Variants in METTL16 observed in about 807,000 individuals in gnomAD.
METTL16 encodes RNA N(6)-adenosine-methyltransferase METTL16.
A neutral mutation model predicts 57.9 loss-of-function variants in METTL16; 19 were observed. The observed-to-expected ratio is 0.33, with a 90% CI of 0.23 to 0.48. The LOEUF (loss-of-function observed/expected upper bound fraction) is 0.48. METTL16 is among the 20% of genes least tolerant of loss of function. The pLI is 0.99. For synonymous variants in METTL16, 246 were observed against 255.6 expected (o/e 0.96, Z 0.36); for missense variants, 434 against 691.5 (o/e 0.63, Z 4.18).
chr17:2,453,731 G>C (rs2067088489), intron 6 of METTL16, among the ~76,000 whole-genome samples: 1 of 152,032 alleles, frequency 6.6e-6, no homozygotes, highest in South Asian at 2.1e-4. Context: ...TACTATGATT[G>C]TTGCAAAATT....
chr17:2,484,189 G>A (rs2067325712), intron 2 of METTL16, among the ~76,000 whole-genome samples: 1 of 152,058 alleles, frequency 6.6e-6, no homozygotes, highest in African/African-American at 2.4e-5. Flanking sequence ...TTGCTATTTT[G>A]CACTGGCATT....
chr17:2,455,613 T>C (rs555752438), intron 6 of METTL16, among the ~76,000 whole-genome samples: 6 of 152,182 alleles, frequency 3.9e-5, no homozygotes, highest in Non-Finnish European at 8.8e-5. Context: ...GCCATATCAA[T>C]CCTGAAAGGG....
At chr17:2,464,817 G>A (rs2067178769) in intron 5 of METTL16, among the ~76,000 whole-genome samples, 1 of 151,748 alleles carries the variant, frequency 6.6e-6, no homozygotes, top group Admixed American at 6.6e-5. Context: ...AAATTTTCAT[G>A]AGCTTGGATT....
At chr17:2,457,096 G>A (rs1299153708) in intron 6 of METTL16, among the ~76,000 whole-genome samples, 1 of 151,858 alleles carries the variant, frequency 6.6e-6, no homozygotes, top group East Asian at 1.9e-4. Context: ...CACTTTGGGA[G>A]GCCAAGGCGG....
At chr17:2,470,682 G>A (rs1046580987) in intron 4 of METTL16, among the ~76,000 whole-genome samples, 13 of 152,090 alleles carry the variant, frequency 8.5e-5, no homozygotes, top group South Asian at 2.1e-4. Flanking sequence ...GTGGTGGCAC[G>A]CACTGGCAGT....
intron 6 of METTL16, among the ~76,000 whole-genome samples, chr17:2,449,789 G>A (rs1945792322): frequency 6.6e-6 from 1 of 152,278 alleles, no homozygotes; most frequent in African/African-American, 2.4e-5. Context: ...AAACACATTT[G>A]ACAATGGACT....
Position 2,441,485 on chromosome 17 carries a change from C to T in METTL16, c.798+5G>A. 1 of 1,589,114 alleles carries T rather than the reference C, an allele frequency of 6.3e-7. No individual in the cohort carries two copies. The highest frequency in any genetic ancestry group is 8.6e-7 in the Non-Finnish European group (1 of 1,165,712). On this transcript the variant is annotated splice_donor_5th_base_variant and intron_variant, in intron 7 of 9. Coordinates refer to ENST00000263092, the MANE Select transcript of METTL16 (RefSeq NM_024086.4). Reference sequence around the variant, plus strand: ...TACACGAGAACAGTAATGAGGAAGCCTCACCCCTTGTATGCGAAGCTCCTC... The same window carrying T: ...TACACGAGAACAGTAATGAGGAAGCTTCACCCCTTGTATGCGAAGCTCCTC...
intron 1 of METTL16, among the ~76,000 whole-genome samples, chr17:2,510,774 C>T (rs534173964): frequency 3.3e-5 from 5 of 151,996 alleles, no homozygotes; most frequent in African/African-American, 1.2e-4. Context: ...GCAATCCTCC[C>T]GCCTGAGCCT....
At chr17:2,442,356 C>G (rs542513346) in intron 6 of METTL16, among the ~76,000 whole-genome samples, 204 of 152,268 alleles carry the variant, frequency 1.3e-3, no homozygotes, top group Non-Finnish European at 2.1e-3. Context: ...GACTGCAGTA[C>G]AGGGAAAAGA....
At chr17:2,425,368 A>G (rs1386545528) in intron 8 of METTL16, among the ~76,000 whole-genome samples, 1 of 152,194 alleles carries the variant, frequency 6.6e-6, no homozygotes, top group Non-Finnish European at 1.5e-5. Flanking sequence ...CCCAAAACCA[A>G]TCATTTACAA....
intron 2 of METTL16, among the ~76,000 whole-genome samples, chr17:2,498,611 A>G (rs1041111990): frequency 1.2e-4 from 17 of 146,586 alleles, no homozygotes; most frequent in Non-Finnish European, 1.8e-4. Flanking sequence ...TGGTGGTGCG[A>G]GCCTGTAATC....
At chr17:2,433,497 A>T (rs2066889310) in intron 8 of METTL16, among the ~76,000 whole-genome samples, 1 of 152,218 alleles carries the variant, frequency 6.6e-6, no homozygotes, top group Admixed American at 6.5e-5. Context: ...ATGTGAGGCC[A>T]TCATGAGCAG....
At chr17:2,466,658 A>G (rs886550817) in intron 5 of METTL16, among the ~76,000 whole-genome samples, 1 of 152,182 alleles carries the variant, frequency 6.6e-6, no homozygotes, top group African/African-American at 2.4e-5. Context: ...TAGGATTTGA[A>G]TTTCACCTGC....
chr17:2,468,649 G>A (rs570642570), intron 4 of METTL16, among the ~76,000 whole-genome samples: 3 of 152,348 alleles, frequency 2.0e-5, no homozygotes, highest in African/African-American at 7.2e-5. Flanking sequence ...GGGAGGCCAA[G>A]ACGGGAGAAC....
chr17:2,445,814 A>G (rs1365829459), intron 6 of METTL16, among the ~76,000 whole-genome samples: 1 of 151,736 alleles, frequency 6.6e-6, no homozygotes, highest in Non-Finnish European at 1.5e-5. Flanking sequence ...AATTTAAAAA[A>G]TAATAAAATA....
At chr17:2,511,218 C>CTTTT (rs5818862) in intron 1 of METTL16, among the ~76,000 whole-genome samples, 1 of 146,772 alleles carries the variant, frequency 6.8e-6, no homozygotes. Context: ...GAGGCTTTCC[C>CTTTT]TTTTTTTTTT....
intron 6 of METTL16, among the ~76,000 whole-genome samples, chr17:2,449,955 G>C (rs772388155): frequency 1.3e-5 from 2 of 152,114 alleles, no homozygotes; most frequent in Non-Finnish European, 2.9e-5. Flanking sequence ...CTACCTACCC[G>C]TTAGAACAGA....
At chr17:2,466,868 T>G (rs1273136386) in intron 5 of METTL16, among the ~76,000 whole-genome samples, 3 of 152,002 alleles carry the variant, frequency 2.0e-5, no homozygotes, top group Admixed American at 6.6e-5. Context: ...AGTAACACGA[T>G]CCTGGCTCAA....
chr17:2,475,328 A>C (rs772866734), intron 3 of METTL16: 11 of 152,174 alleles, frequency 7.2e-5, no homozygotes, highest in Non-Finnish European at 1.6e-4. Flanking sequence ...AGGCGTGGTA[A>C]AGGGTATTCG....
Sources: gnomAD v4.1 joint callset for allele counts (sites outside exome capture counted in the v4.1 genomes callset) on GRCh38, gnomAD v4.1.1 for gene constraint, MANE v1.5 for transcripts, NCBI Gene and HGNC (gene_info 2026-07-23, HGNC 2026-07-21) for gene names.